Variants in ADGRL3 observed in about 807,000 individuals in gnomAD.
ADGRL3 encodes the protein calcium-independent alpha-latrotoxin receptor 3.
A neutral mutation model predicts 153.5 loss-of-function variants in ADGRL3; 62 were observed. The observed-to-expected ratio is 0.40, with a 90% confidence interval of 0.33 to 0.50. The LOEUF (loss-of-function observed/expected upper bound fraction) is 0.50, where lower values mean the gene tolerates loss of function less well. Among genes scored for constraint, ADGRL3 ranks in the 20% least tolerant of loss-of-function variants. ADGRL3 has a pLI of 0.47. For synonymous variants in ADGRL3, 710 were observed against 672.5 expected (o/e 1.06, Z -0.86); for missense variants, 1,641 against 1,859.4 (o/e 0.88, Z 2.16).
In ADGRL3 at chr4:62,075,362, G is replaced by A. The variant is rs1746810387; in HGVS notation, c.*4454G>A. On this transcript the variant is annotated 3_prime_UTR_variant, in exon 27 of 27. Coordinates refer to ENST00000683033, the MANE Select transcript of ADGRL3 (RefSeq NM_001387552.1). ...CACAGCACTTGGCCTGTGATGTATT[G>A]CAGAGGGAAAAAAACCAACACTACA... 6.6e-6 allele frequency: 1 copy of A among 151,970 alleles called. No homozygotes were observed. The highest frequency in any genetic ancestry group is 6.6e-5 in the Admixed American group (1 of 15,236). 9.4% of individuals were successfully genotyped at this position (151,970 alleles called of 1,614,324 possible). A position where few individuals can be genotyped will look rare whatever the true frequency, so the allele number is the denominator to read the frequency against.
At chr4:62,063,590 G>C in intron 25 of ADGRL3, 1 of 698,636 alleles carries the variant, frequency 1.4e-6, no homozygotes, top group Non-Finnish European at 2.6e-6. Flanking sequence ...TTGGGGAACC[G>C]GCGGTCTGTA....
At chr4:61,266,627 A>T (rs1505664) in intron 1 of ADGRL3, among the ~76,000 whole-genome samples, 1 of 151,638 alleles carries the variant, frequency 6.6e-6, no homozygotes, top group Non-Finnish European at 1.5e-5. Context: ...ATATAAAAAC[A>T]TAGCGATACA....
At chr4:61,377,559 A>T (rs1437433377) in intron 1 of ADGRL3, among the ~76,000 whole-genome samples, 1 of 152,102 alleles carries the variant, frequency 6.6e-6, no homozygotes, top group Admixed American at 6.6e-5. Context: ...TGTCATGTTA[A>T]AAATGAAAAT....
chr4:61,519,687 AAG>A (rs1471945402), intron 4 of ADGRL3, among the ~76,000 whole-genome samples: 1 of 152,204 alleles, frequency 6.6e-6, no homozygotes, highest in East Asian at 1.9e-4. Context: ...AAATTGAAGT[AAG>A]AGATATCACA....
chr4:61,393,897 C>G (rs2096841201), intron 2 of ADGRL3, among the ~76,000 whole-genome samples: 1 of 152,064 alleles, frequency 6.6e-6, no homozygotes, highest in African/African-American at 2.4e-5. Flanking sequence ...GTAATAATGT[C>G]ATACCATCTG....
intron 1 of ADGRL3, among the ~76,000 whole-genome samples, chr4:61,379,828 A>G (rs918815222): frequency 6.6e-6 from 1 of 151,986 alleles, no homozygotes; most frequent in African/African-American, 2.4e-5. Context: ...TGAGATGATC[A>G]TTTTCTAAAA....
intron 2 of ADGRL3, among the ~76,000 whole-genome samples, chr4:61,394,148 T>G (rs904436256): frequency 6.6e-6 from 1 of 152,110 alleles, no homozygotes; most frequent in African/African-American, 2.4e-5. Flanking sequence ...GAATAATGAA[T>G]AATCTCTTTT....
chr4:61,389,967 C>T (rs1216382193), intron 2 of ADGRL3, among the ~76,000 whole-genome samples: 1 of 152,038 alleles, frequency 6.6e-6, no homozygotes. Flanking sequence ...GGAGTGTATA[C>T]AAAACAACAA....
chr4:61,922,032 A>C (rs1481361300), intron 13 of ADGRL3, among the ~76,000 whole-genome samples: 1 of 152,218 alleles, frequency 6.6e-6, no homozygotes, highest in Non-Finnish European at 1.5e-5. Flanking sequence ...AGAAACAGTG[A>C]GGTAGAACTT....
At chr4:62,064,839 A>G (rs72640042) in intron 25 of ADGRL3, among the ~76,000 whole-genome samples, 364 of 152,198 alleles carry the variant, frequency 2.4e-3, no homozygotes, top group Admixed American at 5.3e-3. Context: ...GCGGAGGATG[A>G]TTTTACATTA....
chr4:61,878,951 A>G (rs1166361540), intron 9 of ADGRL3, among the ~76,000 whole-genome samples: 1 of 152,170 alleles, frequency 6.6e-6, no homozygotes, highest in Non-Finnish European at 1.5e-5. Flanking sequence ...GATCTTCTTC[A>G]TATTGTACAT....
intron 2 of ADGRL3, among the ~76,000 whole-genome samples, chr4:61,465,376 A>G (rs903650753): frequency 1.3e-5 from 2 of 152,094 alleles, no homozygotes; most frequent in Admixed American, 6.6e-5. Flanking sequence ...AATAGTTCGT[A>G]TAGTTCTTAG....
chr4:61,631,300 G>T (rs764727625), intron 5 of ADGRL3, among the ~76,000 whole-genome samples: 5 of 151,998 alleles, frequency 3.3e-5, no homozygotes, highest in African/African-American at 4.8e-5. Flanking sequence ...AATAATAAAA[G>T]GTTTCTAAGA....
intron 9 of ADGRL3, among the ~76,000 whole-genome samples, chr4:61,890,477 G>T (rs1356669496): frequency 6.6e-6 from 1 of 151,306 alleles, no homozygotes; most frequent in African/African-American, 2.4e-5. Flanking sequence ...TCTTCCTGCT[G>T]CATCATCCCA....
In ADGRL3 at chr4:62,046,220, A is replaced by G. The variant is rs1241769377; in HGVS notation, c.3814+1671A>G. On this transcript the variant is annotated intron_variant, in intron 25 of 26. Coordinates refer to ENST00000683033, the MANE Select transcript of ADGRL3 (RefSeq NM_001387552.1). The stretch of plus-strand genomic sequence containing the variant: ...CCATTGAATAATTATTGATTAAACA[A>G]AGAATGAGGTAATATGATTTTAATG... Among the ~76,000 whole-genome samples, 7 of 151,936 alleles carry G rather than the reference A, an allele frequency of 4.6e-5. 1 individual carries two copies. The highest frequency in any genetic ancestry group is 4.6e-4 in the Admixed American group (7 of 15,224).
chr4:61,808,506 A>G (rs887672843), intron 8 of ADGRL3, among the ~76,000 whole-genome samples: 7 of 152,166 alleles, frequency 4.6e-5, no homozygotes, highest in African/African-American at 1.7e-4. Context: ...GAAGGGGGGA[A>G]AAAAGAAACC....
At chr4:61,588,608 GGT>G (rs2098956501) in intron 5 of ADGRL3, among the ~76,000 whole-genome samples, 1 of 151,950 alleles carries the variant, frequency 6.6e-6, no homozygotes, top group South Asian at 2.1e-4. Flanking sequence ...CTCATGCTAA[GGT>G]GAGCATTAAT....
At chr4:61,328,513 T>C (rs1168098299) in intron 1 of ADGRL3, among the ~76,000 whole-genome samples, 1 of 152,140 alleles carries the variant, frequency 6.6e-6, no homozygotes, top group Non-Finnish European at 1.5e-5. Context: ...GGGATGTTTT[T>C]ATAGCATATA....
intron 9 of ADGRL3, among the ~76,000 whole-genome samples, chr4:61,867,357 G>A (rs1323004308): frequency 6.6e-6 from 1 of 151,090 alleles, no homozygotes; most frequent in Non-Finnish European, 1.5e-5. Context: ...AAATTAGCCA[G>A]GAGTGGTGGG....
Sources: allele counts gnomAD v4.1 joint callset (sites outside exome capture counted in the v4.1 genomes callset), GRCh38; gene constraint gnomAD v4.1.1; transcripts MANE v1.5; gene names NCBI Gene and HGNC (gene_info 2026-07-23, HGNC 2026-07-21).